The following TENM3 variants were observed in gnomAD, a reference collection of about 807,000 sequenced individuals.
TENM3 encodes the protein teneurin-3.
In TENM3, 63 loss-of-function variants were observed where a neutral mutation model predicts 255.1. The observed-to-expected ratio is 0.25, with a 90% CI of 0.20 to 0.30. The LOEUF (loss-of-function observed/expected upper bound fraction) is 0.30. TENM3 is among the 10% of genes least tolerant of loss of function. The pLI, the probability that TENM3 is intolerant of heterozygous loss-of-function variation, is 1.00. For synonymous variants in TENM3, 1,306 were observed against 1,322.3 expected (o/e 0.99, Z 0.27); for missense variants, 2,929 against 3,461.1 (o/e 0.85, Z 3.86).
intron 3 of TENM3, among the ~76,000 whole-genome samples, chr4:182,385,310 A>C (rs1480508324): frequency 2.4e-5 from 3 of 127,188 alleles, no homozygotes; most frequent in Non-Finnish European, 3.1e-5. Flanking sequence ...TGTCACTCAC[A>C]CTGGAGTGCA....
the TENM3 span, among the ~76,000 whole-genome samples, chr4:181,687,570 T>C: frequency 6.6e-6 from 1 of 152,304 alleles, no homozygotes; most frequent in East Asian, 1.9e-4. Context: ...CCAGGCATTG[T>C]TGGTGACTCC....
At chr4:181,568,051 A>G in the TENM3 span, among the ~76,000 whole-genome samples, 1 of 152,196 alleles carries the variant, frequency 6.6e-6, no homozygotes, top group Non-Finnish European at 1.5e-5. Context: ...ATACGAGTTA[A>G]GGAATGATCA....
Position 182,730,927 on chromosome 4 carries a change from C to A in TENM3, c.2755C>A (p.Arg919=). ...GGCCTCTCTAACTTTGGTATTTGAA[C>A]GATCCCCATTCCTCACTCAGTATCA... ...GGASLTLVFE[R]SPFLTQYHTV... The change falls in exon 16 of 28, where the codon CGA becomes AGA. Residue 919 remains arginine (R), a synonymous_variant. Coordinates refer to ENST00000511685, the MANE Select transcript of TENM3 (RefSeq NM_001080477.4). 6.2e-7 allele frequency: 1 copy of A among 1,613,866 alleles called. No individual in the cohort carries two copies. Among genetic ancestry groups the A allele is most frequent in the Non-Finnish European group, 8.5e-7 (1 of 1,179,834 alleles).
the TENM3 span, among the ~76,000 whole-genome samples, chr4:182,042,883 G>A: frequency 0.016 from 11 of 708 alleles, no homozygotes; most frequent in Non-Finnish European, 0.059. Flanking sequence ...GTGTGTGCGT[G>A]TGTGTGTGTG....
chr4:182,016,001 A>C, the TENM3 span, among the ~76,000 whole-genome samples: 1 of 152,182 alleles, frequency 6.6e-6, no homozygotes, highest in East Asian at 1.9e-4. Context: ...AAGTTTCATA[A>C]ATCCGTCTTG....
At chr4:182,222,298 C>G (rs1290315575) in intron 1 of TENM3, among the ~76,000 whole-genome samples, 2 of 152,186 alleles carry the variant, frequency 1.3e-5, no homozygotes, top group East Asian at 1.9e-4. Context: ...GTCAGTGAAG[C>G]GTGGAGGTCT....
the TENM3 span, among the ~76,000 whole-genome samples, chr4:181,637,238 A>T: frequency 6.6e-6 from 1 of 152,134 alleles, no homozygotes; most frequent in Non-Finnish European, 1.5e-5. Flanking sequence ...AAAAAACTTC[A>T]GTGTCTTATC....
At chr4:181,556,233 G>A in the TENM3 span, among the ~76,000 whole-genome samples, 91,809 of 151,894 alleles carry the variant, frequency 0.6, 28,045 homozygotes, top group Middle Eastern at 0.68. Context: ...CACGACTTTT[G>A]TCTTTCCCTA....
chr4:181,809,073 CT>C, the TENM3 span, among the ~76,000 whole-genome samples: 1 of 152,188 alleles, frequency 6.6e-6, no homozygotes. Flanking sequence ...ATAAAAACAT[CT>C]TGACATTTGA....
the TENM3 span, among the ~76,000 whole-genome samples, chr4:181,485,548 G>T: frequency 1.3e-5 from 2 of 151,838 alleles, no homozygotes; most frequent in African/African-American, 4.8e-5. Context: ...TTCTTTGATG[G>T]CAAAAAAACA....
At chr4:182,577,585 G>A (rs6845976) in intron 3 of TENM3, among the ~76,000 whole-genome samples, 81,114 of 152,076 alleles carry the variant, frequency 0.53, 23,602 homozygotes, top group East Asian at 0.67. Context: ...GTAAGAAACC[G>A]TTACACAGGA....
chr4:182,457,685 A>G (rs983861710), intron 3 of TENM3, among the ~76,000 whole-genome samples: 6 of 149,926 alleles, frequency 4.0e-5, no homozygotes, highest in Admixed American at 1.4e-4. Context: ...AGCCTTGCCA[A>G]TGGTTGGGAC....
the TENM3 span, among the ~76,000 whole-genome samples, chr4:181,543,594 T>C: frequency 6.6e-6 from 1 of 152,188 alleles, no homozygotes; most frequent in Non-Finnish European, 1.5e-5. Context: ...ACAACCTGCC[T>C]TTTCCCAGCT....
chr4:182,052,062 C>G, the TENM3 span, among the ~76,000 whole-genome samples: 3 of 152,076 alleles, frequency 2.0e-5, no homozygotes, highest in African/African-American at 7.3e-5. Context: ...TGCTATTAAA[C>G]ATCCTACAGT....
At chr4:182,464,769 G>A (rs930555674) in intron 3 of TENM3, among the ~76,000 whole-genome samples, 2 of 152,180 alleles carry the variant, frequency 1.3e-5, no homozygotes, top group Non-Finnish European at 2.9e-5. Context: ...GATAGGTTTT[G>A]TGAGAGAACC....
chr4:182,159,736 C>T (rs1408785259), intron 1 of TENM3, among the ~76,000 whole-genome samples: 5 of 152,054 alleles, frequency 3.3e-5, no homozygotes, highest in Admixed American at 6.5e-5. Flanking sequence ...CGTGGATGGC[C>T]GGAGAAGTGA....
chr4:182,423,043 A>G (rs1375194050), intron 3 of TENM3, among the ~76,000 whole-genome samples: 1 of 152,122 alleles, frequency 6.6e-6, no homozygotes. Context: ...CATTTACAAA[A>G]CGGATGGTAG....
chr4:182,500,150 G>A (rs1736173026), intron 3 of TENM3, among the ~76,000 whole-genome samples: 1 of 152,032 alleles, frequency 6.6e-6, no homozygotes, highest in Admixed American at 6.5e-5. Context: ...AGGCATAATG[G>A]GCCCAAGTAA....
At chr4:181,626,072 C>A in the TENM3 span, among the ~76,000 whole-genome samples, 1 of 152,142 alleles carries the variant, frequency 6.6e-6, no homozygotes, top group African/African-American at 2.4e-5. Context: ...GAAGCCAAAG[C>A]TAACTTTGCA....
Sources: gnomAD v4.1 joint callset for allele counts (sites outside exome capture counted in the v4.1 genomes callset) on GRCh38, gnomAD v4.1.1 for gene constraint, MANE v1.5 for transcripts, NCBI Gene and HGNC (gene_info 2026-07-23, HGNC 2026-07-21) for gene names.